Variants in CFAP300 observed in about 807,000 individuals in gnomAD.
CFAP300 encodes cilia and flagella associated protein 300, also known as cilia- and flagella-associated protein 300.
In CFAP300, 32 loss-of-function variants were observed where a neutral mutation model predicts 33.0. The ratio of observed to expected loss-of-function variants is 0.97; its 90% confidence interval spans 0.73 to 1.30. The LOEUF (loss-of-function observed/expected upper bound fraction) is 1.30. CFAP300 is among the 50% of genes most tolerant of loss of function. The probability of loss-of-function intolerance (pLI) is 0.00; values close to 1 mark genes in which losing one functional copy is unlikely to be tolerated. For missense variants in CFAP300, 356 were observed against 318.1 expected, an observed-to-expected ratio of 1.12 and a Z score of -0.90; for synonymous variants, 102 against 106.8, an observed-to-expected ratio of 0.95 and a Z score of 0.28.
intron 5 of CFAP300, among the ~76,000 whole-genome samples, chr11:102,080,964 A>G (rs1022681250): frequency 6.6e-6 from 1 of 152,174 alleles, no homozygotes. Flanking sequence ...AGGTAATTTC[A>G]TCATCTGAGT....
At chr11:102,061,072 T>C (rs562030240) in intron 3 of CFAP300, among the ~76,000 whole-genome samples, 1 of 152,302 alleles carries the variant, frequency 6.6e-6, no homozygotes, top group South Asian at 2.1e-4. Flanking sequence ...CCCATGTTAG[T>C]ACATACACAA....
rs555544082 is a variant in CFAP300 at position 102,067,725 on chromosome 11, C to A, written c.435+1074C>A. 6.9e-4 allele frequency among the ~76,000 whole-genome samples: 105 copies of A among 152,200 alleles called. 1 individual carries two copies. The highest frequency in any genetic ancestry group is 2.4e-3 in the African/African-American group (98 of 41,514). On this transcript the variant is annotated intron_variant, in intron 4 of 6. Transcript: ENST00000434758. ...TGAAATGTCAGCTTGGACAACAGAGCAAGACCCTCATCTCTACAAAAATAT... is the reference window on the plus strand; with the variant it reads ...TGAAATGTCAGCTTGGACAACAGAGAAAGACCCTCATCTCTACAAAAATAT...
rs573898902 is a variant in CFAP300, at chr11:102,047,978, A to T, written c.192+82A>T. On this transcript the variant is annotated intron_variant, in intron 2 of 6. Transcript: ENST00000434758. ...CAAGTTGGCATAGATTCTTGTGAAC[A>T]CGCTATTCCTTACTGACGTCGTTTT... is the stretch of plus-strand genomic sequence containing the variant. 56 of 1,329,470 alleles carry T rather than the reference A, an allele frequency of 4.2e-5. No individual in the cohort carries two copies. The African/African-American group carries it at 6.9e-4, about 16-fold the overall frequency. The allele number at this position is 1,329,470 out of a possible 1,614,324, so 82.4% of individuals were successfully genotyped here.
At position 102,072,398 on chromosome 11, in the gene CFAP300, C is replaced by A. The variant is rs143513915; in HGVS notation, c.436-3475C>A. ...ATATCCTGAATTGTTTTTCTGATTT[C>A]TTTGTATCCTTTATCTGTGCTTTCT... On this transcript the variant is annotated intron_variant, in intron 4 of 6. Coordinates refer to ENST00000434758, the MANE Select transcript of CFAP300 (RefSeq NM_032930.3). Among the ~76,000 whole-genome samples the A allele has an allele frequency of 1.6e-4, 25 of 151,942 alleles. No homozygotes were observed. In the East Asian group the frequency reaches 4.8e-3, roughly 29 times the overall value.
intron 4 of CFAP300, among the ~76,000 whole-genome samples, chr11:102,073,442 G>C (rs1942344501): frequency 6.6e-6 from 1 of 152,132 alleles, no homozygotes; most frequent in Admixed American, 6.5e-5. Flanking sequence ...GGTGTGCTTG[G>C]GCACTGGATG....
intron 3 of CFAP300, among the ~76,000 whole-genome samples, chr11:102,065,439 G>A (rs556662222): frequency 6.6e-6 from 1 of 151,896 alleles, no homozygotes; most frequent in African/African-American, 2.4e-5. Flanking sequence ...ATGTTTTCAA[G>A]ATACACTCAA....
chr11:102,060,246 T>C (rs1488424164), intron 3 of CFAP300, among the ~76,000 whole-genome samples: 1 of 151,886 alleles, frequency 6.6e-6, no homozygotes, highest in Non-Finnish European at 1.5e-5. Context: ...GTGCTGAGAT[T>C]ACAGGCGTGA....
At chr11:102,056,144 T>C (rs1483810273) in intron 2 of CFAP300, among the ~76,000 whole-genome samples, 4 of 152,334 alleles carry the variant, frequency 2.6e-5, no homozygotes, top group African/African-American at 9.6e-5. Flanking sequence ...TTACATTCTA[T>C]TCTAATACTT....
chr11:102,053,043 C>T lies in CFAP300; in HGVS notation c.192+5147C>T, dbSNP rs1471741168. ...ACGAGTTCAAGACCAGCCTGACCAA[C>T]ATGGTGAAACCCTGTCTCTACTAAA... On this transcript the variant is annotated intron_variant, in intron 2 of 6. Coordinates refer to ENST00000434758, the MANE Select transcript of CFAP300 (RefSeq NM_032930.3). Among the ~76,000 whole-genome samples, 5 of 151,886 alleles carry T rather than the reference C, an allele frequency of 3.3e-5. No individual in the cohort carries two copies. The East Asian group carries it at 7.8e-4, about 24-fold the overall frequency.
chr11:102,083,105 A>G lies in CFAP300; in HGVS notation c.710A>G (p.Asn237Ser). Reference sequence around the variant, plus strand: ...GGTATGTGCTATCCTTCAGCAAAGAATCATGAACAGACATTTTCTTACTTT... The same window carrying G: ...GGTATGTGCTATCCTTCAGCAAAGAGTCATGAACAGACATTTTCTTACTTT... ...SAGMCYPSAK[N>S]HEQTFSYFIV... Residue 237 changes from asparagine to serine, a missense_variant, in exon 7 of 7, where the codon AAT becomes AGT. Physicochemically the swap from Asn to Ser is conservative, Grantham distance 46. Coordinates refer to ENST00000434758, the MANE Select transcript of CFAP300 (RefSeq NM_032930.3). 2 of 1,544,480 alleles carry G rather than the reference A, an allele frequency of 1.3e-6. No individual in the cohort carries two copies. The highest frequency in any genetic ancestry group is 1.7e-6 in the Non-Finnish European group (2 of 1,143,198).
intron 3 of CFAP300, among the ~76,000 whole-genome samples, chr11:102,062,142 C>T (rs983098406): frequency 3.3e-5 from 5 of 152,144 alleles, no homozygotes; most frequent in African/African-American, 1.2e-4. Flanking sequence ...TCTAAGTACA[C>T]AGAAAGAAGA....
chr11:102,054,641 A>C (rs1478699013), intron 2 of CFAP300, among the ~76,000 whole-genome samples: 1 of 150,452 alleles, frequency 6.6e-6, no homozygotes, highest in South Asian at 2.1e-4. Context: ...AGGCAGGAGA[A>C]TCTATTGAAC....
At chr11:102,077,191 A>G (rs1942407826) in intron 5 of CFAP300, among the ~76,000 whole-genome samples, 2 of 152,148 alleles carry the variant, frequency 1.3e-5, no homozygotes, top group African/African-American at 2.4e-5. Context: ...ATTCCTCACT[A>G]CTGTGTGCTG....
rs1565393711 is a variant in CFAP300 at position 102,066,475 on chromosome 11, CTT to C, written c.269-5_269-4del. On this transcript the variant is annotated splice_region_variant and splice_polypyrimidine_tract_variant and intron_variant, in intron 3 of 6. Coordinates refer to ENST00000434758, the MANE Select transcript of CFAP300 (RefSeq NM_032930.3). The stretch of plus-strand genomic sequence containing the variant: ...TCTATCTCCATTCTTTATAAAATAT[CTT>C]TTTTCAGGAACTGAAGTGAAAAAAA... 6.4e-7 allele frequency: 1 copy of C among 1,550,746 alleles called. No individual in the cohort carries two copies. Among genetic ancestry groups the C allele is most frequent in the East Asian group, 2.3e-5 (1 of 43,380 alleles).
intron 2 of CFAP300, among the ~76,000 whole-genome samples, chr11:102,052,397 G>A (rs370571141): frequency 4.6e-5 from 7 of 152,012 alleles, no homozygotes; most frequent in East Asian, 1.9e-4. Context: ...TAAAATACTC[G>A]CGTGAATATT....
chr11:102,070,674 G>A (rs1481572343), intron 4 of CFAP300, among the ~76,000 whole-genome samples: 1 of 151,996 alleles, frequency 6.6e-6, no homozygotes, highest in Non-Finnish European at 1.5e-5. Flanking sequence ...TTTGATGTAG[G>A]CATTTTTTGC....
Position 102,047,587 on chromosome 11 carries a change from A to G in CFAP300, c.110+7A>G. 1 of 1,535,288 alleles carries G rather than the reference A, an allele frequency of 6.5e-7. No individual in the cohort carries two copies. The highest frequency in any genetic ancestry group is 8.7e-7 in the Non-Finnish European group (1 of 1,146,126). ...CCAGCCGGCTCCGCCAGTGGTGAGG[A>G]ACCGAGGCACAGGGAGAGAAGAGGC... On this transcript the variant is annotated splice_region_variant and intron_variant, in intron 1 of 6. Transcript: ENST00000434758.
Position 102,058,928 on chromosome 11 carries a change from GA to G in CFAP300, c.242del (p.Asp81ValfsTer9). 1 of 1,586,086 alleles carries G rather than the reference GA, an allele frequency of 6.3e-7. No individual in the cohort carries two copies. The highest frequency in any genetic ancestry group is 8.6e-7 in the Non-Finnish European group (1 of 1,167,692). ...TATTCCCAATTTGAAGTTACTTTCA[GA>G]TTCTTCTGGACAATGGATCATATTA... Reference protein sequence around the residue: ...NVIPNLKLLSDSSGQWIILGT... With the variant: ...NVIPNLKLLSXSSGQWIILGT... On this transcript the variant is annotated frameshift_variant, in exon 3 of 7. Coordinates refer to ENST00000434758, the MANE Select transcript of CFAP300 (RefSeq NM_032930.3). LOFTEE classifies it high-confidence loss of function.
At chr11:102,058,125 C>T (rs913310749) in intron 2 of CFAP300, among the ~76,000 whole-genome samples, 4 of 152,042 alleles carry the variant, frequency 2.6e-5, no homozygotes, top group Non-Finnish European at 4.4e-5. Flanking sequence ...GGCAGTTCTG[C>T]ATATGATTTT....
Sources: allele counts gnomAD v4.1 joint callset (sites outside exome capture counted in the v4.1 genomes callset), GRCh38; gene constraint gnomAD v4.1.1; transcripts MANE v1.5; gene names NCBI Gene and HGNC (gene_info 2026-07-23, HGNC 2026-07-21).